Variants in ADAMTSL1 observed in about 807,000 individuals in gnomAD.
ADAMTSL1 encodes ADAMTS like 1.
A neutral mutation model predicts 201.8 loss-of-function variants in ADAMTSL1; 126 were observed. The ratio of observed to expected loss-of-function variants is 0.62; its 90% CI spans 0.54 to 0.72. ADAMTSL1 has a LOEUF of 0.72. Ranked by LOEUF, ADAMTSL1 falls within the 30% of genes least tolerant of loss-of-function variation. ADAMTSL1 has a pLI of 0.00. For missense variants in ADAMTSL1, 2,679 were observed against 2,277.8 expected, an observed-to-expected ratio of 1.18 and a Z score of -3.59; for synonymous variants, 1,121 against 903.4, an observed-to-expected ratio of 1.24 and a Z score of -4.32.
intron 2 of ADAMTSL1, among the ~76,000 whole-genome samples, chr9:18,174,190 A>T (rs1828034797): frequency 6.6e-6 from 1 of 152,136 alleles, no homozygotes; most frequent in Non-Finnish European, 1.5e-5. Flanking sequence ...GAGCAAATTC[A>T]CCTTATGGAA....
Position 18,728,242 on chromosome 9 carries a change from C to A in ADAMTSL1, c.2006+6577C>A, listed in dbSNP as rs191330848. ...ACCTGAAAGCATATATGATATGACTCATTCTAAAGAGATAGAAACATCAGC... is the reference window on the plus strand; with the variant it reads ...ACCTGAAAGCATATATGATATGACTAATTCTAAAGAGATAGAAACATCAGC... On this transcript the variant is annotated intron_variant, in intron 15 of 28. Coordinates refer to ENST00000380548, the MANE Select transcript of ADAMTSL1 (RefSeq NM_001040272.6). Among the ~76,000 whole-genome samples, 4 of 152,250 alleles carry A rather than the reference C, an allele frequency of 2.6e-5. No homozygotes were observed. The East Asian group carries it at 7.7e-4, about 29-fold the overall frequency.
upstream of ADAMTSL1, among the ~76,000 whole-genome samples, chr9:18,473,335 C>T (rs1286242034): frequency 6.6e-6 from 1 of 152,174 alleles, no homozygotes; most frequent in African/African-American, 2.4e-5. Context: ...TCCTCAACCC[C>T]AAATTTCAGC....
intron 1 of ADAMTSL1, among the ~76,000 whole-genome samples, chr9:18,121,729 A>G (rs758751040): frequency 6.6e-6 from 1 of 152,204 alleles, no homozygotes; most frequent in African/African-American, 2.4e-5. Flanking sequence ...GACTCCTCCT[A>G]TGAGGAAAGA....
intron 1 of ADAMTSL1, among the ~76,000 whole-genome samples, chr9:18,033,506 A>T (rs1339429271): frequency 6.6e-6 from 1 of 152,208 alleles, no homozygotes; most frequent in Non-Finnish European, 1.5e-5. Flanking sequence ...TCAGCTTCAA[A>T]TACATATACT....
intron 15 of ADAMTSL1, among the ~76,000 whole-genome samples, chr9:18,733,035 C>T (rs886885824): frequency 6.6e-6 from 1 of 152,108 alleles, no homozygotes; most frequent in Non-Finnish European, 1.5e-5. Flanking sequence ...AAACTTGGAA[C>T]AAGGTATATT....
At chr9:18,240,862 C>G (rs749271946) in intron 2 of ADAMTSL1, among the ~76,000 whole-genome samples, 6 of 152,174 alleles carry the variant, frequency 3.9e-5, no homozygotes, top group Non-Finnish European at 7.3e-5. Flanking sequence ...GTTATAGAGG[C>G]AGCTTCTTTC....
chr9:18,710,941 G>A (rs184782831), intron 14 of ADAMTSL1, among the ~76,000 whole-genome samples: 12 of 151,784 alleles, frequency 7.9e-5, no homozygotes, highest in Non-Finnish European at 1.6e-4. Context: ...CACAGTACTC[G>A]TCCACCATTT....
chr9:18,301,622 T>C (rs868781678), intron 2 of ADAMTSL1, among the ~76,000 whole-genome samples: 25 of 152,332 alleles, frequency 1.6e-4, no homozygotes, highest in Middle Eastern at 3.4e-3. Context: ...CAAAATCTTA[T>C]TGTACTCTCC....
At chr9:18,845,223 C>T (rs918170489) in intron 23 of ADAMTSL1, among the ~76,000 whole-genome samples, 10 of 152,246 alleles carry the variant, frequency 6.6e-5, no homozygotes, top group Non-Finnish European at 1.5e-4. Flanking sequence ...AGCAAGCTCC[C>T]ATGCCTCCTT....
At chr9:18,672,093 T>C (rs1453151695) in intron 9 of ADAMTSL1, among the ~76,000 whole-genome samples, 1 of 151,760 alleles carries the variant, frequency 6.6e-6, no homozygotes, top group African/African-American at 2.4e-5. Context: ...TAGGTGCCCA[T>C]GGAGTTAACT....
intron 2 of ADAMTSL1, among the ~76,000 whole-genome samples, chr9:18,511,926 A>G (rs1818048724): frequency 6.6e-6 from 1 of 152,170 alleles, no homozygotes; most frequent in Non-Finnish European, 1.5e-5. Flanking sequence ...GAGGTTTTAG[A>G]ACTTTCAGCT....
chr9:18,885,523 A>T (rs1397987969), intron 23 of ADAMTSL1, among the ~76,000 whole-genome samples: 1 of 152,162 alleles, frequency 6.6e-6, no homozygotes, highest in Non-Finnish European at 1.5e-5. Flanking sequence ...TAAATAACTC[A>T]CATGGCCAAA....
intron 2 of ADAMTSL1, among the ~76,000 whole-genome samples, chr9:18,188,846 C>T (rs781116897): frequency 1.1e-4 from 16 of 152,154 alleles, no homozygotes; most frequent in Non-Finnish European, 1.9e-4. Context: ...CCGTTATGGG[C>T]CAGGCAGCAT....
rs147224089 is a variant in ADAMTSL1 at position 18,693,820 on chromosome 9, A to G, written c.1574+9020A>G. Among the ~76,000 whole-genome samples the G allele has an allele frequency of 7.9e-4, 120 of 152,328 alleles. No homozygotes were observed. In the East Asian group the frequency reaches 0.019, roughly 24 times the overall value. ...TTATCAAAGACTGGTAGCTGTTCTA[A>G]GAAAATGGAAAGATGCTCAAAGATG... is the stretch of plus-strand genomic sequence containing the variant. On this transcript the variant is annotated intron_variant, in intron 13 of 28. Coordinates refer to ENST00000380548, the MANE Select transcript of ADAMTSL1 (RefSeq NM_001040272.6).
chr9:18,235,137 A>G (rs1311381695), intron 2 of ADAMTSL1, among the ~76,000 whole-genome samples: 1 of 152,070 alleles, frequency 6.6e-6, no homozygotes, highest in Admixed American at 6.6e-5. Flanking sequence ...CCAGCATTAC[A>G]TTTACACATC....
At chr9:18,824,881 A>G (rs1824442924) in intron 21 of ADAMTSL1, among the ~76,000 whole-genome samples, 1 of 151,862 alleles carries the variant, frequency 6.6e-6, no homozygotes, top group African/African-American at 2.4e-5. Context: ...TATTTTTAGT[A>G]GAGACAGGGT....
intron 2 of ADAMTSL1, among the ~76,000 whole-genome samples, chr9:18,290,783 T>TTTTTTTTTG (rs1563862835): frequency 5.0e-5 from 4 of 80,196 alleles, no homozygotes; most frequent in African/African-American, 8.0e-5. Flanking sequence ...TTTTGTGTGT[T>TTTTTTTTTG]TTTTTTTTTT....
In ADAMTSL1 at chr9:18,326,338, C is replaced by T. The variant is rs532312823; in HGVS notation, c.207+162357C>T. ...CTGGGGTTTTGGAAATGTTCTGCAT[C>T]GATTGTGGTGGTGATGTGGATGTAT... On this transcript the variant is annotated intron_variant, in intron 2 of 29. Transcript: ENST00000680146. Among the ~76,000 whole-genome samples the T allele has an allele frequency of 4.2e-4, 64 of 151,746 alleles. 1 individual carries two copies. The highest frequency in any genetic ancestry group is 1.2e-3 in the South Asian group (6 of 4,806).
rs191042502 is a variant in ADAMTSL1, at chr9:18,500,447, T to A, written c.64-4382T>A. Among the ~76,000 whole-genome samples, 885 of 151,974 alleles carry A rather than the reference T, an allele frequency of 5.8e-3. 8 individuals carry two copies. The highest frequency in any genetic ancestry group is 0.02 in the African/African-American group (837 of 41,438). ...GGCCAGGAACGATGGATCAATGGAG[T>A]TGGGGGGTTGATTGCTGAGTTTCTG... On this transcript the variant is annotated intron_variant, in intron 1 of 28. Transcript: ENST00000380548.
Sources: allele counts gnomAD v4.1 joint callset (sites outside exome capture counted in the v4.1 genomes callset), GRCh38; gene constraint gnomAD v4.1.1; transcripts MANE v1.5; gene names NCBI Gene and HGNC (gene_info 2026-07-23, HGNC 2026-07-21).